Variants in KLF3 observed in about 807,000 individuals in gnomAD.
KLF3 encodes the protein KLF transcription factor 3.
KLF3 carries 6 observed loss-of-function variants against 32.7 expected under a neutral mutation model. That is an observed-to-expected ratio of 0.18 (90% CI 0.10 to 0.36). KLF3 has a LOEUF of 0.36. KLF3 is among the 10% of genes least tolerant of loss of function. The pLI is 1.00. For synonymous variants in KLF3, 145 were observed against 172.8 expected, an observed-to-expected ratio of 0.84 and a Z score of 1.26; for missense variants, 338 against 449.7, an observed-to-expected ratio of 0.75 and a Z score of 2.25.
intron 2 of KLF3, among the ~76,000 whole-genome samples, chr4:38,683,111 G>A (rs903206393): frequency 6.6e-6 from 1 of 152,050 alleles, no homozygotes; most frequent in African/African-American, 2.4e-5. Flanking sequence ...GAAGTATATT[G>A]AACCTAATTT....
intron 1 of KLF3, among the ~76,000 whole-genome samples, chr4:38,666,660 T>C (rs1722053048): frequency 6.6e-6 from 1 of 152,274 alleles, no homozygotes; most frequent in Non-Finnish European, 1.5e-5. Context: ...GGCGAATTTC[T>C]ATAAACGTGT....
chr4:38,665,632 A>G (rs1391377287), intron 1 of KLF3, among the ~76,000 whole-genome samples: 1 of 152,234 alleles, frequency 6.6e-6, no homozygotes, highest in Non-Finnish European at 1.5e-5. Context: ...CATTAATATC[A>G]CCCAAGACAT....
chr4:38,699,380 A>G lies in KLF3; in HGVS notation c.*2117A>G, dbSNP rs1479502142. ...GTATTGTAAATGCTTAGTCATATTC[A>G]TGGCAAAGTGTTCATTTCTTGAGAT... On this transcript the variant is annotated 3_prime_UTR_variant, in exon 6 of 6. Transcript: ENST00000261438. The G allele has an allele frequency of 6.6e-6, 1 of 152,224 alleles. No individual in the cohort carries two copies. The highest frequency in any genetic ancestry group is 2.4e-5 in the African/African-American group (1 of 41,458). 9.4% of individuals were successfully genotyped at this position (152,224 alleles called of 1,614,324 possible).
At chr4:38,678,913 T>C (rs1395504607) in intron 1 of KLF3, among the ~76,000 whole-genome samples, 1 of 152,248 alleles carries the variant, frequency 6.6e-6, no homozygotes, top group Non-Finnish European at 1.5e-5. Context: ...CTGAAGTCGA[T>C]TTCTGAAAGT....
In KLF3 at chr4:38,680,592, A is replaced by C. The variant is rs1722491559; in HGVS notation, c.-34A>C. The C allele has an allele frequency of 1.3e-6, 2 of 1,570,596 alleles. No homozygotes were observed. The highest frequency in any genetic ancestry group is 4.5e-5 in the East Asian group (2 of 44,648). On this transcript the variant is annotated 5_prime_UTR_variant, in exon 2 of 6. Transcript: ENST00000261438. ...TACCTTGTTTTGTTTTCTAGGCCAA[A>C]CACCAGAGCACCCTAGAAGGTTTAA...
At position 38,689,020 on chromosome 4, in the gene KLF3, C is replaced by G; in HGVS notation, c.493C>G (p.Leu165Val). 6.2e-7 allele frequency: 1 copy of G among 1,614,252 alleles called. No individual in the cohort carries two copies. Among genetic ancestry groups the G allele is most frequent in the Non-Finnish European group, 8.5e-7 (1 of 1,180,052 alleles). Residue 165 changes from leucine (L) to valine (V), a missense_variant, in exon 3 of 6, where the codon CTC (leucine) becomes GTC (valine). By Grantham distance (32) the Leu-to-Val change is conservative (BLOSUM62 1). Transcript: ENST00000261438. ...FMYTSHLQQP[L>V]MVSLSEEMEN... ...GTACACAAGTCACCTCCAGCAGCCT[C>G]TCATGGTCTCCTTATCGGAGGAGAT...
At chr4:38,696,904 C>G in intron 5 of KLF3, among the ~76,000 whole-genome samples, 178 bp from the exon 6 acceptor site, 1 of 152,148 alleles carries the variant, frequency 6.6e-6, no homozygotes, top group Non-Finnish European at 1.5e-5. Flanking sequence ...GCCAATGAAA[C>G]ATTACGGTAT....
intron 1 of KLF3, among the ~76,000 whole-genome samples, chr4:38,678,385 A>T (rs1722414408): frequency 1.3e-5 from 2 of 152,284 alleles, no homozygotes; most frequent in South Asian, 2.1e-4. Context: ...CCTCATTACG[A>T]AATCATCTAT....
chr4:38,696,674 T>A (rs942273434), intron 5 of KLF3, among the ~76,000 whole-genome samples: 1 of 152,220 alleles, frequency 6.6e-6, no homozygotes, highest in Non-Finnish European at 1.5e-5. Flanking sequence ...ATTGAAAAGT[T>A]TAAGAAAATC....
chr4:38,680,662 G>A lies in KLF3; in HGVS notation c.37G>A (p.Ala13Thr). ...TGACCCAGTTCCTGTCAAGCAAGAGGCCATGGACCCTGTCTCAGTGGTAAG... is the reference window on the plus strand; with the variant it reads ...TGACCCAGTTCCTGTCAAGCAAGAGACCATGGACCCTGTCTCAGTGGTAAG... ...MFDPVPVKQE[A>T]MDPVSVSYPS... The change falls in exon 2 of 6, where the codon GCC becomes ACC. Residue 13 changes from alanine to threonine, a missense_variant. This residue lies in a region of KLF3 where 272 missense variants were observed against 313.4 expected (regional missense o/e 0.87). Transcript: ENST00000261438. 1 of 1,613,614 alleles carries A rather than the reference G, an allele frequency of 6.2e-7. No homozygotes were observed. The highest frequency in any genetic ancestry group is 8.5e-7 in the Non-Finnish European group (1 of 1,179,582).
At chr4:38,669,893 C>CAAAAAAAAAAAAA (rs60339860) in intron 1 of KLF3, among the ~76,000 whole-genome samples, 11 of 41,178 alleles carry the variant, frequency 2.7e-4, no homozygotes, top group East Asian at 1.5e-3. Flanking sequence ...GACTCTGTCT[C>CAAAAAAAAAAAAA]AAAAAAAAAA....
At chr4:38,668,399 G>A (rs1722103650) in intron 1 of KLF3, among the ~76,000 whole-genome samples, 3 of 151,936 alleles carry the variant, frequency 2.0e-5, no homozygotes. Flanking sequence ...AGTTGCTGAA[G>A]CAGCAAATCA....
chr4:38,697,233 C>T lies in KLF3; in HGVS notation c.1008C>T (p.Ala336=). 1 of 1,613,590 alleles carries T rather than the reference C, an allele frequency of 6.2e-7. No individual in the cohort carries two copies. The highest frequency in any genetic ancestry group is 8.5e-7 in the Non-Finnish European group (1 of 1,179,734). The change falls in exon 6 of 6, where the codon GCC becomes GCT. Residue 336 remains alanine, a synonymous_variant. Coordinates refer to ENST00000261438, the MANE Select transcript of KLF3 (RefSeq NM_016531.6). ...GCTTCTCCCGTTCTGACCATCTTGCCCTCCATAGGAAACGCCACATGCTAG... is the reference window on the plus strand; with the variant it reads ...GCTTCTCCCGTTCTGACCATCTTGCTCTCCATAGGAAACGCCACATGCTAG... ...DRSFSRSDHL[A]LHRKRHMLV is the part of the protein sequence containing the mutation.
At position 38,697,192 on chromosome 4, in the gene KLF3, C is replaced by T. The variant is rs773018621; in HGVS notation, c.967C>T (p.Pro323Ser). The T allele has an allele frequency of 2.5e-5, 40 of 1,613,986 alleles. No homozygotes were observed. In the East Asian group the frequency reaches 8.0e-4, roughly 32 times the overall value. The change falls in exon 6 of 6, where the codon CCG (proline) becomes TCG (serine). Residue 323 changes from proline (P) to serine (S), a missense_variant. This residue lies in a region of KLF3 where 66 missense variants were observed against 136.2 expected (regional missense o/e 0.48). Transcript: ENST00000261438. ...TACTGGAATCAAACCTTTCCAGTGC[C>T]CGGACTGTGACCGCAGCTTCTCCCG... ...KHTGIKPFQC[P>S]DCDRSFSRSD...
chr4:38,675,528 T>C (rs1722317224), intron 1 of KLF3, among the ~76,000 whole-genome samples: 1 of 152,198 alleles, frequency 6.6e-6, no homozygotes, highest in Admixed American at 6.5e-5. Context: ...GTGTTTATGA[T>C]TGGAAAATAG....
chr4:38,693,111 T>TATATAC (rs1435329085), intron 4 of KLF3, among the ~76,000 whole-genome samples: 2 of 47,402 alleles, frequency 4.2e-5, no homozygotes, highest in African/African-American at 1.6e-4. Flanking sequence ...TATGTACATA[T>TATATAC]ATATACATAT....
At chr4:38,683,688 G>A (rs772683986) in intron 2 of KLF3, among the ~76,000 whole-genome samples, 5 of 151,434 alleles carry the variant, frequency 3.3e-5, no homozygotes, top group Non-Finnish European at 7.4e-5. Flanking sequence ...TTCAGGAAGT[G>A]AGCAAGGAAA....
At chr4:38,693,057 T>TATATATATGTATATATATACAC (rs1722920145) in intron 4 of KLF3, among the ~76,000 whole-genome samples, 1 of 146,866 alleles carries the variant, frequency 6.8e-6, no homozygotes, top group African/African-American at 2.5e-5. Context: ...TTTGCACATA[T>TATATATATGTATATATATACAC]ATATATATGT....
Position 38,688,944 on chromosome 4 carries a change from G to A in KLF3, c.417G>A (p.Pro139=), listed in dbSNP as rs767459861. The A allele has an allele frequency of 6.2e-6, 10 of 1,614,096 alleles. No homozygotes were observed. The highest frequency in any genetic ancestry group is 1.1e-5 in the South Asian group (1 of 91,082). The stretch of plus-strand genomic sequence containing the variant: ...TCTCGCGGCATGGAATACGGAGCCC[G>A]GGGATCCTGCCCGTCATCCAGCCGG... ...AALSRHGIRS[P]GILPVIQPVV... Residue 139 remains proline (P), a synonymous_variant, in exon 3 of 6, where the codon CCG becomes CCA. Coordinates refer to ENST00000261438, the MANE Select transcript of KLF3 (RefSeq NM_016531.6). The surrounding 1 kb of genome is among the most constrained non-coding windows in gnomAD (Gnocchi z 4.9).
Sources: allele counts gnomAD v4.1 joint callset (sites outside exome capture counted in the v4.1 genomes callset), GRCh38; gene constraint gnomAD v4.1.1; regional missense constraint gnomAD v4.1.1; non-coding constraint Gnocchi (gnomAD v3.1); transcripts MANE v1.5; gene names NCBI Gene and HGNC (gene_info 2026-07-23, HGNC 2026-07-21).